The following CYTH1 variants were observed in gnomAD, a reference collection of about 807,000 sequenced individuals.
CYTH1 encodes the protein cytohesin 1, also known as cytohesin-1.
CYTH1 carries 18 observed loss-of-function variants against 61.8 expected under a neutral mutation model. The ratio of observed to expected loss-of-function variants is 0.29; its 90% CI spans 0.20 to 0.43. CYTH1 has a LOEUF of 0.43. Among genes scored for constraint, CYTH1 ranks in the 20% least tolerant of loss-of-function variants. CYTH1 has a pLI of 1.00. For missense variants in CYTH1, 336 were observed against 510.5 expected (o/e 0.66, Z 3.29); for synonymous variants, 174 against 184.3 (o/e 0.94, Z 0.45).
intron 8 of CYTH1, 55 bp downstream of exon 8, chr17:78,698,765 C>T (rs965975870): frequency 1.3e-6 from 2 of 1,518,762 alleles, no homozygotes; most frequent in African/African-American, 2.9e-5. Context: ...AAAGACGATC[C>T]TGTTCCCAGT....
intron 11 of CYTH1, among the ~76,000 whole-genome samples, chr17:78,688,679 T>G (rs551570245): frequency 6.6e-6 from 1 of 152,352 alleles, no homozygotes; most frequent in South Asian, 2.1e-4. Context: ...CTTCAATAAT[T>G]GCTTCTGTTC....
chr17:78,675,993 G>A lies in CYTH1; in HGVS notation c.*98C>T. ...CTCTAGGAATCCAGGGCGGGGCCTG[G>A]CAGAGGACGCTCTGCTCGGCAGCAG... On this transcript the variant is annotated 3_prime_UTR_variant, in exon 14 of 14. Transcript: ENST00000446868. 6.5e-7 allele frequency: 1 copy of A among 1,550,080 alleles called. No homozygotes were observed. The highest frequency in any genetic ancestry group is 8.7e-7 in the Non-Finnish European group (1 of 1,146,210).
At chr17:78,698,125 ATG>A in intron 9 of CYTH1, 142 bp downstream of exon 9, 1 of 711,932 alleles carries the variant, frequency 1.4e-6, no homozygotes, top group Non-Finnish European at 2.5e-6. Context: ...GTGAACATGC[ATG>A]CGCGTGCACA....
At chr17:78,701,859 T>A in intron 5 of CYTH1, 108 bp from the exon 6 acceptor site, 2 of 1,131,040 alleles carry the variant, frequency 1.8e-6, no homozygotes, top group Admixed American at 3.6e-5. Context: ...GTCCTGTGGC[T>A]CCTGCCCAGA....
chr17:78,729,555 G>A (rs1351793168), intron 1 of CYTH1, among the ~76,000 whole-genome samples: 1 of 152,116 alleles, frequency 6.6e-6, no homozygotes, highest in Admixed American at 6.6e-5. Context: ...GTGTAAACTG[G>A]TACAACCTTT....
chr17:78,706,778 T>C (rs1291910467), intron 3 of CYTH1, among the ~76,000 whole-genome samples: 1 of 152,318 alleles, frequency 6.6e-6, no homozygotes, highest in African/African-American at 2.4e-5. Flanking sequence ...GAAGTACCGT[T>C]TCATGGTGGT....
intron 4 of CYTH1, 71 bp downstream of exon 4, chr17:78,702,467 T>C: frequency 1.3e-6 from 2 of 1,523,594 alleles, no homozygotes; most frequent in Non-Finnish European, 1.8e-6. Context: ...AAAAACGTTT[T>C]TAGGGTCTAT....
At chr17:78,781,756 G>A (rs8071452) in intron 1 of CYTH1, among the ~76,000 whole-genome samples, 7,929 of 151,988 alleles carry the variant, frequency 0.052, 711 homozygotes, top group African/African-American at 0.18. Flanking sequence ...CAGAGGGGCG[G>A]CAGGGCCAGC....
intron 1 of CYTH1, among the ~76,000 whole-genome samples, chr17:78,762,772 C>G (rs2093433881): frequency 6.6e-6 from 1 of 152,042 alleles, no homozygotes; most frequent in Non-Finnish European, 1.5e-5. Flanking sequence ...TTTGAAGATG[C>G]AGGAAGGAGC....
At position 78,698,971 on chromosome 17, in the gene CYTH1, A is replaced by C; in HGVS notation, c.551-3T>G. ...AAAGGAGAGGACGTAACAAGTATCT[A>C]AAGATGAGAGAAAAGCAAAGGGGAG... On this transcript the variant is annotated splice_region_variant and splice_polypyrimidine_tract_variant and intron_variant, in intron 7 of 13. Transcript: ENST00000446868. 1 of 1,610,148 alleles carries C rather than the reference A, an allele frequency of 6.2e-7. No individual in the cohort carries two copies. Among genetic ancestry groups the C allele is most frequent in the South Asian group, 1.1e-5 (1 of 90,086 alleles).
intron 1 of CYTH1, among the ~76,000 whole-genome samples, chr17:78,781,904 G>A (rs2093519952): frequency 6.7e-6 from 1 of 150,202 alleles, no homozygotes; most frequent in Admixed American, 6.6e-5. Context: ...CTCAGAGCTC[G>A]CGGCGACCCC....
At chr17:78,678,876 C>T (rs1329108450) in intron 13 of CYTH1, among the ~76,000 whole-genome samples, 2 of 152,240 alleles carry the variant, frequency 1.3e-5, no homozygotes, top group African/African-American at 2.4e-5. Flanking sequence ...CCAGGCACTG[C>T]GCTCAGAGAG....
At chr17:78,771,827 T>C (rs1213202496) in intron 1 of CYTH1, among the ~76,000 whole-genome samples, 1 of 151,796 alleles carries the variant, frequency 6.6e-6, no homozygotes, top group Non-Finnish European at 1.5e-5. Flanking sequence ...ATTCAGTCAC[T>C]AAAGAAAGCA....
At chr17:78,727,473 G>A (rs183858054) in intron 1 of CYTH1, among the ~76,000 whole-genome samples, 2 of 152,314 alleles carry the variant, frequency 1.3e-5, no homozygotes, top group Admixed American at 1.3e-4. Flanking sequence ...TGAAAGGAAG[G>A]TCATTTCTAC....
At chr17:78,782,070 T>C in intron 1 of CYTH1, 132 bp downstream of exon 1, 1 of 739,438 alleles carries the variant, frequency 1.4e-6, no homozygotes, top group Non-Finnish European at 1.7e-6. Context: ...CGCCCGCCGG[T>C]CGCCCCGGGC....
intron 1 of CYTH1, among the ~76,000 whole-genome samples, chr17:78,735,098 G>C (rs964380358): frequency 6.6e-6 from 1 of 152,186 alleles, no homozygotes; most frequent in South Asian, 2.1e-4. Flanking sequence ...ACCATGGGAG[G>C]GGGTAAGGGA....
intron 1 of CYTH1, among the ~76,000 whole-genome samples, chr17:78,741,022 C>T (rs777688536): frequency 6.6e-6 from 1 of 152,172 alleles, no homozygotes; most frequent in Non-Finnish European, 1.5e-5. Context: ...CATACAGGAG[C>T]TAGCACAGGC....
chr17:78,680,102 G>A, intron 13 of CYTH1, 88 bp downstream of exon 13: 1 of 1,515,538 alleles, frequency 6.6e-7, no homozygotes, highest in Non-Finnish European at 8.9e-7. Context: ...AGAGATGCGG[G>A]CGGCATGTTT....
At chr17:78,780,499 G>A (rs2093512597) in intron 1 of CYTH1, among the ~76,000 whole-genome samples, 1 of 152,154 alleles carries the variant, frequency 6.6e-6, no homozygotes, top group Admixed American at 6.5e-5. Flanking sequence ...CTGCGCAAGA[G>A]AGCTAGACCC....
Sources: allele counts gnomAD v4.1 joint callset (sites outside exome capture counted in the v4.1 genomes callset), GRCh38; gene constraint gnomAD v4.1.1; transcripts MANE v1.5; gene names NCBI Gene and HGNC (gene_info 2026-07-23, HGNC 2026-07-21).